The following GRID2 variants were observed in gnomAD, a reference collection of about 807,000 sequenced individuals.
The protein encoded by GRID2 is glutamate receptor ionotropic, delta-2.
In GRID2, 33 loss-of-function variants were observed where a neutral mutation model predicts 114.8. The observed-to-expected ratio is 0.29, with a 90% confidence interval of 0.22 to 0.38. The LOEUF (loss-of-function observed/expected upper bound fraction) is 0.38, where lower values mean the gene tolerates loss of function less well. GRID2 is among the 10% of genes least tolerant of loss of function. The probability of loss-of-function intolerance (pLI) is 1.00; values close to 1 mark genes in which losing one functional copy is unlikely to be tolerated. For missense variants in GRID2, 1,184 were observed against 1,257.7 expected (o/e 0.94, Z 0.89); for synonymous variants, 505 against 449.9 (o/e 1.12, Z -1.55).
At chr4:92,818,054 T>C (rs1334277857) in intron 2 of GRID2, among the ~76,000 whole-genome samples, 1 of 152,156 alleles carries the variant, frequency 6.6e-6, no homozygotes, top group Non-Finnish European at 1.5e-5. Flanking sequence ...CACATCTACA[T>C]ATGAGATATT....
chr4:92,699,515 A>T (rs1438363108), intron 2 of GRID2, among the ~76,000 whole-genome samples: 1 of 152,196 alleles, frequency 6.6e-6, no homozygotes, highest in African/African-American at 2.4e-5. Context: ...ATGATCATTA[A>T]ATGGCAGATA....
intron 4 of GRID2, among the ~76,000 whole-genome samples, chr4:93,198,970 G>A (rs1741794144): frequency 6.6e-6 from 1 of 152,098 alleles, no homozygotes; most frequent in Non-Finnish European, 1.5e-5. Context: ...TTGTTTGCCT[G>A]TCATACTTAA....
At chr4:92,984,233 T>C (rs535464218) in intron 2 of GRID2, among the ~76,000 whole-genome samples, 38 of 152,352 alleles carry the variant, frequency 2.5e-4, no homozygotes, top group Admixed American at 1.5e-3. Context: ...ACTCATACTA[T>C]TCCTCTACTA....
chr4:92,317,139 T>A (rs1726029567), intron 1 of GRID2, among the ~76,000 whole-genome samples: 1 of 152,146 alleles, frequency 6.6e-6, no homozygotes, highest in Admixed American at 6.5e-5. Flanking sequence ...AATTGCCTTT[T>A]TTACTCTCAC....
rs546126163 is a variant in GRID2, at chr4:93,536,499, C to T, written c.2193+21088C>T. On this transcript the variant is annotated intron_variant, in intron 13 of 15. Transcript: ENST00000282020. ...GTGTTAGGAGAACTGGATATCCACA[C>T]GCAAGAGAATGAAACTGAATCCTTA... 4.6e-5 allele frequency among the ~76,000 whole-genome samples: 7 copies of T among 151,782 alleles called. No homozygotes were observed. In the South Asian group the frequency reaches 8.3e-4, roughly 18 times the overall value.
intron 5 of GRID2, among the ~76,000 whole-genome samples, chr4:93,215,187 G>C (rs1744053045): frequency 1.3e-5 from 2 of 151,296 alleles, no homozygotes; most frequent in Non-Finnish European, 1.5e-5. Flanking sequence ...AGATGCTGCT[G>C]TTTGATAAAA....
intron 13 of GRID2, among the ~76,000 whole-genome samples, chr4:93,558,171 A>T (rs1169539156): frequency 6.6e-6 from 1 of 152,188 alleles, no homozygotes; most frequent in Admixed American, 6.6e-5. Context: ...CAATGAAATT[A>T]AAAGAACTAG....
chr4:93,086,124 A>T (rs1730310615), intron 3 of GRID2, among the ~76,000 whole-genome samples: 1 of 152,198 alleles, frequency 6.6e-6, no homozygotes. Context: ...AAATGAACAG[A>T]TCTTGATAAA....
At chr4:92,576,484 C>T (rs965379887) in intron 1 of GRID2, among the ~76,000 whole-genome samples, 4 of 152,160 alleles carry the variant, frequency 2.6e-5, no homozygotes, top group African/African-American at 9.7e-5. Context: ...TGAAGACTGG[C>T]ACTGCTCGGC....
At chr4:92,669,363 T>A (rs1173173137) in intron 2 of GRID2, among the ~76,000 whole-genome samples, 1 of 151,862 alleles carries the variant, frequency 6.6e-6, no homozygotes, top group Non-Finnish European at 1.5e-5. Flanking sequence ...TGGAAAGCTT[T>A]GTATATTATA....
intron 8 of GRID2, among the ~76,000 whole-genome samples, chr4:93,330,996 G>A (rs796970033): frequency 2.0e-5 from 3 of 152,108 alleles, no homozygotes; most frequent in African/African-American, 4.8e-5. Context: ...TTCAGTAGGA[G>A]TAGCCAGAAA....
At chr4:93,560,330 A>G (rs745535064) in intron 13 of GRID2, among the ~76,000 whole-genome samples, 13 of 151,742 alleles carry the variant, frequency 8.6e-5, no homozygotes, top group Non-Finnish European at 1.8e-4. Flanking sequence ...AGGCTATACA[A>G]ACATGGCACT....
chr4:93,414,975 A>G (rs1361050572), intron 9 of GRID2, among the ~76,000 whole-genome samples: 1 of 152,092 alleles, frequency 6.6e-6, no homozygotes, highest in East Asian at 1.9e-4. Flanking sequence ...GCTACATTCC[A>G]ATATTTAATT....
intron 1 of GRID2, among the ~76,000 whole-genome samples, chr4:93,793,291 A>G (rs1252754477): frequency 6.6e-6 from 1 of 152,190 alleles, no homozygotes; most frequent in Admixed American, 6.5e-5. Flanking sequence ...AAAAGAAGCC[A>G]CACCTAGCAG....
chr4:92,338,633 A>G (rs965627975), intron 1 of GRID2, among the ~76,000 whole-genome samples: 5 of 152,110 alleles, frequency 3.3e-5, no homozygotes, highest in African/African-American at 1.2e-4. Flanking sequence ...AAACATAGCT[A>G]TCTATCTAAA....
chr4:93,057,154 A>ATGTC (rs1553975672), intron 2 of GRID2, among the ~76,000 whole-genome samples: 59 of 127,450 alleles, frequency 4.6e-4, no homozygotes, highest in African/African-American at 1.7e-3. Context: ...GTGAGTGTGT[A>ATGTC]TGTGTGTCTG....
At position 92,603,852 on chromosome 4, in the gene GRID2, C is replaced by T. The variant is rs1049605597; in HGVS notation, c.244+13566C>T. Among the ~76,000 whole-genome samples the T allele has an allele frequency of 5.3e-5, 8 of 151,864 alleles. No individual in the cohort carries two copies. The East Asian group carries it at 1.4e-3, about 26-fold the overall frequency. On this transcript the variant is annotated intron_variant, in intron 2 of 15. Coordinates refer to ENST00000282020, the MANE Select transcript of GRID2 (RefSeq NM_001510.4). ...ACAAATTTAGAAGAGAAAAACAACT[C>T]CATTAAAAAGTAGTCAAATGACAAG...
At chr4:92,870,254 A>G (rs748446999) in intron 2 of GRID2, among the ~76,000 whole-genome samples, 1 of 150,634 alleles carries the variant, frequency 6.6e-6, no homozygotes, top group Non-Finnish European at 1.5e-5. Flanking sequence ...TAATATATTA[A>G]GTACATTATA....
At chr4:92,855,185 C>T (rs551847433) in intron 2 of GRID2, among the ~76,000 whole-genome samples, 1 of 152,080 alleles carries the variant, frequency 6.6e-6, no homozygotes, top group Non-Finnish European at 1.5e-5. Context: ...AATGAATGTC[C>T]TATTCACTGT....
Sources: gnomAD v4.1 joint callset for allele counts (sites outside exome capture counted in the v4.1 genomes callset) on GRCh38, gnomAD v4.1.1 for gene constraint, MANE v1.5 for transcripts, NCBI Gene and HGNC (gene_info 2026-07-23, HGNC 2026-07-21) for gene names.